Variants in STPG2 observed in about 807,000 individuals in gnomAD.
The protein encoded by STPG2 is sperm-tail PG-rich repeat-containing protein 2.
A neutral mutation model predicts 54.2 loss-of-function variants in STPG2; 56 were observed. The observed-to-expected ratio is 1.03, with a 90% confidence interval of 0.83 to 1.29. STPG2 has a LOEUF of 1.29. Ranked by LOEUF, STPG2 falls within the 50% of genes most tolerant of loss-of-function variation. STPG2 has a pLI of 0.00. For synonymous variants in STPG2, 200 were observed against 181.8 expected (o/e 1.10, Z -0.81); for missense variants, 596 against 544.9 (o/e 1.09, Z -0.93).
At chr4:97,718,964 A>G (rs1392801722) in intron 9 of STPG2, among the ~76,000 whole-genome samples, 1 of 152,006 alleles carries the variant, frequency 6.6e-6, no homozygotes, top group Non-Finnish European at 1.5e-5. Flanking sequence ...AAACTTTTCA[A>G]GCATCAACGT....
At chr4:97,635,279 G>C (rs1721469756) in intron 10 of STPG2, among the ~76,000 whole-genome samples, 1 of 152,088 alleles carries the variant, frequency 6.6e-6, no homozygotes, top group South Asian at 2.1e-4. Flanking sequence ...ACTTTACAGA[G>C]AAGCAAAGGC....
At chr4:97,652,158 G>T (rs1043316099) in intron 10 of STPG2, among the ~76,000 whole-genome samples, 3 of 151,868 alleles carry the variant, frequency 2.0e-5, no homozygotes, top group African/African-American at 7.2e-5. Context: ...TATGATAAAA[G>T]TTTTATGGAG....
chr4:97,814,089 T>C (rs1727833842), intron 9 of STPG2, among the ~76,000 whole-genome samples: 1 of 152,126 alleles, frequency 6.6e-6, no homozygotes, highest in South Asian at 2.1e-4. Flanking sequence ...AAAACAGTAA[T>C]GGGATCTGAT....
At chr4:97,531,153 A>C (rs1378139460) in intron 4 of STPG2, among the ~76,000 whole-genome samples, 1 of 152,172 alleles carries the variant, frequency 6.6e-6, no homozygotes, top group African/African-American at 2.4e-5. Context: ...AACTAAAATG[A>C]TATATCATCT....
At chr4:97,867,106 T>C (rs553882893) in intron 8 of STPG2, among the ~76,000 whole-genome samples, 26 of 152,110 alleles carry the variant, frequency 1.7e-4, no homozygotes, top group Non-Finnish European at 2.5e-4. Flanking sequence ...AATCTGTTTA[T>C]TGATCCATTT....
intron 5 of STPG2, among the ~76,000 whole-genome samples, chr4:98,065,414 T>C (rs933767543): frequency 6.6e-6 from 1 of 152,176 alleles, no homozygotes; most frequent in Non-Finnish European, 1.5e-5. Flanking sequence ...ATACCACTTA[T>C]AGCCACTTAG....
At chr4:97,558,347 C>T (rs942357386), downstream of STPG2, among the ~76,000 whole-genome samples, 1 of 152,108 alleles carries the variant, frequency 6.6e-6, no homozygotes, top group Admixed American at 6.5e-5. Context: ...ACAGTTTCCT[C>T]CCATCTGTAT....
intron 8 of STPG2, among the ~76,000 whole-genome samples, chr4:97,844,308 T>C (rs1056392074): frequency 1.3e-5 from 2 of 151,964 alleles, no homozygotes; most frequent in African/African-American, 2.4e-5. Flanking sequence ...CTAAATTGTC[T>C]CCCATGTTGT....
At chr4:97,547,334 C>G (rs1000776670) in intron 4 of STPG2, among the ~76,000 whole-genome samples, 4 of 152,086 alleles carry the variant, frequency 2.6e-5, no homozygotes, top group African/African-American at 7.2e-5. Context: ...CCTCAGCCCC[C>G]TGAATAGCTG....
At chr4:98,024,257 A>G (rs4345191) in intron 5 of STPG2, among the ~76,000 whole-genome samples, 59,936 of 151,952 alleles carry the variant, frequency 0.39, 12,053 homozygotes, top group Middle Eastern at 0.46. Context: ...AATACAGAGG[A>G]GTGTGCATTG....
intron 9 of STPG2, among the ~76,000 whole-genome samples, chr4:97,741,709 AAAC>A (rs1429454641): frequency 2.0e-5 from 3 of 152,066 alleles, no homozygotes; most frequent in Non-Finnish European, 4.4e-5. Context: ...AAAAGTCAGG[AAAC>A]AACAGGTGCT....
chr4:97,479,186 C>T (rs1158347515), intron 4 of STPG2, among the ~76,000 whole-genome samples: 2 of 151,796 alleles, frequency 1.3e-5, no homozygotes, highest in African/African-American at 4.8e-5. Context: ...AATGATTACT[C>T]AAACAGGAAT....
chr4:97,989,708 T>C (rs1474058919), intron 5 of STPG2, among the ~76,000 whole-genome samples: 2 of 152,188 alleles, frequency 1.3e-5, no homozygotes, highest in African/African-American at 4.8e-5. Context: ...TCTTGCACTT[T>C]GGAGCCATTA....
chr4:97,944,023 G>T lies in STPG2; in HGVS notation c.934-16C>A, dbSNP rs373049652. 6.7e-7 allele frequency: 1 copy of T among 1,502,060 alleles called. No homozygotes were observed. The highest frequency in any genetic ancestry group is 1.1e-5 in the South Asian group (1 of 88,182). The allele number at this position is 1,502,060 out of a possible 1,614,324, so 93.0% of individuals were successfully genotyped here. ...GCCAAAATTCCTGTTGAAAGAAGGG[G>T]TTAAAAAGAGTACATCATTTATTTT... On this transcript the variant is annotated splice_polypyrimidine_tract_variant and intron_variant, in intron 7 of 10. Coordinates refer to ENST00000295268, the MANE Select transcript of STPG2 (RefSeq NM_174952.3).
chr4:97,497,939 T>G (rs1351636557), intron 4 of STPG2, among the ~76,000 whole-genome samples: 2 of 151,834 alleles, frequency 1.3e-5, no homozygotes, highest in Non-Finnish European at 2.9e-5. Flanking sequence ...AGGCTGAGGC[T>G]TAACAAATTT....
At position 97,454,233 on chromosome 4, in the gene STPG2, G is replaced by A. The variant is rs556630898; in HGVS notation, c.462+258466C>T. Among the ~76,000 whole-genome samples the A allele has an allele frequency of 2.6e-4, 40 of 152,062 alleles. No homozygotes were observed. In the South Asian group the frequency reaches 2.9e-3, roughly 11 times the overall value. ...ATTTCAATCAACAGAAAAGGGATTC[G>A]CCGGGCACGGTGGCTAACGCCTGTA... is the stretch of plus-strand genomic sequence containing the variant. On this transcript the variant is annotated intron_variant, in intron 4 of 4. Coordinates refer to the STPG2 transcript ENST00000522676.
At chr4:97,845,916 C>T (rs1176455496) in intron 8 of STPG2, among the ~76,000 whole-genome samples, 1 of 152,040 alleles carries the variant, frequency 6.6e-6, no homozygotes, top group Non-Finnish European at 1.5e-5. Flanking sequence ...ACAGATTATT[C>T]TAAGAGAAAA....
chr4:97,585,114 AAAAAAAAAAAC>A (rs1405857493), intron 10 of STPG2, among the ~76,000 whole-genome samples: 1 of 148,006 alleles, frequency 6.8e-6, no homozygotes, highest in Non-Finnish European at 1.5e-5. Flanking sequence ...AAAAAAAAAA[AAAAAAAAAAAC>A]AAAACTACAA....
chr4:97,963,731 A>C (rs1362134380), intron 7 of STPG2, among the ~76,000 whole-genome samples: 1 of 151,114 alleles, frequency 6.6e-6, no homozygotes, highest in Non-Finnish European at 1.5e-5. Context: ...AAATATACAT[A>C]CACACATATA....
Sources: gnomAD v4.1 joint callset for allele counts (sites outside exome capture counted in the v4.1 genomes callset) on GRCh38, gnomAD v4.1.1 for gene constraint, MANE v1.5 for transcripts, NCBI Gene and HGNC (gene_info 2026-07-23, HGNC 2026-07-21) for gene names.